Variants in NRG3 observed in about 807,000 individuals in gnomAD.
NRG3 encodes the protein pro-neuregulin-3, membrane-bound isoform.
In NRG3, 31 loss-of-function variants were observed where a neutral mutation model predicts 66.9. The observed-to-expected ratio is 0.46, with a 90% CI of 0.35 to 0.63. NRG3 has a LOEUF of 0.63. Ranked by LOEUF, NRG3 falls within the 20% of genes least tolerant of loss-of-function variation. NRG3 has a pLI of 0.00. For missense variants in NRG3, 910 were observed against 878.9 expected, an observed-to-expected ratio of 1.04 and a Z score of -0.45; for synonymous variants, 393 against 359.4, an observed-to-expected ratio of 1.09 and a Z score of -1.06.
intron 2 of NRG3, among the ~76,000 whole-genome samples, chr10:82,734,588 T>G (rs2058068193): frequency 1.3e-5 from 2 of 152,096 alleles, no homozygotes; most frequent in Admixed American, 6.5e-5. Context: ...ATCTCTCTTA[T>G]TCTGTGTTTT....
intron 2 of NRG3, among the ~76,000 whole-genome samples, chr10:82,718,447 G>A (rs1310386487): frequency 1.3e-5 from 2 of 152,118 alleles, no homozygotes; most frequent in African/African-American, 2.4e-5. Context: ...GACATTAAAA[G>A]TTCTACTATA....
At chr10:82,796,948 A>G (rs1291512059) in intron 3 of NRG3, among the ~76,000 whole-genome samples, 3 of 152,118 alleles carry the variant, frequency 2.0e-5, no homozygotes, top group African/African-American at 7.2e-5. Context: ...GAAAACTACA[A>G]CCTAATATTT....
chr10:82,116,379 C>T (rs1162542281), intron 1 of NRG3, among the ~76,000 whole-genome samples: 2 of 152,078 alleles, frequency 1.3e-5, no homozygotes, highest in Non-Finnish European at 2.9e-5. Context: ...GCCAAGAAAG[C>T]ACTATTTAGC....
intron 1 of NRG3, among the ~76,000 whole-genome samples, chr10:81,931,291 G>C (rs1412560352): frequency 6.6e-6 from 1 of 152,114 alleles, no homozygotes; most frequent in Non-Finnish European, 1.5e-5. Context: ...TTTGATCCAA[G>C]GGATCATGAA....
intron 1 of NRG3, among the ~76,000 whole-genome samples, chr10:82,063,547 A>C (rs1477019522): frequency 6.8e-6 from 1 of 146,952 alleles, no homozygotes; most frequent in Non-Finnish European, 1.5e-5. Flanking sequence ...TTGCTTTCTA[A>C]GGATAGTCAA....
At chr10:82,155,550 ATTACAAAC>A (rs2071125579) in intron 1 of NRG3, among the ~76,000 whole-genome samples, 1 of 151,684 alleles carries the variant, frequency 6.6e-6, no homozygotes, top group Non-Finnish European at 1.5e-5. Context: ...AAAAATGCTA[ATTACAAAC>A]ATATCGTAAT....
chr10:81,944,009 A>G (rs1430495394), intron 1 of NRG3, among the ~76,000 whole-genome samples: 1 of 152,196 alleles, frequency 6.6e-6, no homozygotes, highest in Non-Finnish European at 1.5e-5. Context: ...GTTATGCTCC[A>G]GTACTGAGAG....
intron 4 of NRG3, among the ~76,000 whole-genome samples, chr10:82,928,808 C>T (rs1052778774): frequency 6.6e-6 from 1 of 152,106 alleles, no homozygotes; most frequent in African/African-American, 2.4e-5. Flanking sequence ...ATCTGTGGAG[C>T]CTGATCTTTC....
chr10:82,039,597 G>T (rs2062940963), intron 1 of NRG3, among the ~76,000 whole-genome samples: 1 of 152,036 alleles, frequency 6.6e-6, no homozygotes, highest in Non-Finnish European at 1.5e-5. Context: ...GAGAACCCAA[G>T]GTCTTACAGT....
chr10:82,978,850 T>G, intron 7 of NRG3, 100 bp from the exon 8 acceptor site: 2 of 1,227,662 alleles, frequency 1.6e-6, no homozygotes. Flanking sequence ...GAATTTGGGG[T>G]GCAGATTCAG....
At chr10:82,380,533 T>C (rs549134253) in intron 2 of NRG3, among the ~76,000 whole-genome samples, 14 of 152,166 alleles carry the variant, frequency 9.2e-5, no homozygotes, top group African/African-American at 3.1e-4. Context: ...AAGAAGTCAA[T>C]TGAGATAAAA....
At chr10:82,252,091 A>C (rs2077514219) in intron 1 of NRG3, among the ~76,000 whole-genome samples, 1 of 152,222 alleles carries the variant, frequency 6.6e-6, no homozygotes. Flanking sequence ...CAACCAGCTC[A>C]GGGGCCAAGC....
chr10:82,604,880 T>C (rs2133433944), intron 2 of NRG3, among the ~76,000 whole-genome samples: 1 of 152,254 alleles, frequency 6.6e-6, no homozygotes, highest in East Asian at 1.9e-4. Flanking sequence ...CTATTGTTTA[T>C]TGCTGGTGTA....
At chr10:82,569,859 A>AG (rs1339155627) in intron 2 of NRG3, among the ~76,000 whole-genome samples, 8 of 151,732 alleles carry the variant, frequency 5.3e-5, no homozygotes, top group African/African-American at 1.9e-4. Context: ...CTACTTGGAT[A>AG]TACTAACATG....
intron 1 of NRG3, among the ~76,000 whole-genome samples, chr10:82,013,184 G>A (rs1245230632): frequency 2.0e-5 from 3 of 152,166 alleles, no homozygotes; most frequent in Admixed American, 1.3e-4. Context: ...AAGGCAAGGA[G>A]GAGCAATCAC....
At chr10:82,240,953 T>C (rs1398454884) in intron 1 of NRG3, among the ~76,000 whole-genome samples, 13 of 152,166 alleles carry the variant, frequency 8.5e-5, no homozygotes, top group African/African-American at 3.1e-4. Flanking sequence ...TATAATTTTG[T>C]AACTTTCTTA....
intron 2 of NRG3, among the ~76,000 whole-genome samples, chr10:82,461,541 A>T (rs1386437735): frequency 6.6e-6 from 1 of 152,216 alleles, no homozygotes; most frequent in Non-Finnish European, 1.5e-5. Context: ...AATCCTATAA[A>T]ATACAGCTCA....
intron 1 of NRG3, among the ~76,000 whole-genome samples, chr10:81,908,094 G>A (rs1397135728): frequency 3.3e-5 from 5 of 152,090 alleles, no homozygotes; most frequent in African/African-American, 1.2e-4. Flanking sequence ...GTTTCTTCCC[G>A]ATTGCTTGAT....
intron 2 of NRG3, among the ~76,000 whole-genome samples, chr10:82,456,181 C>A (rs1011311382): frequency 1.6e-5 from 2 of 128,710 alleles, no homozygotes; most frequent in Non-Finnish European, 3.1e-5. Context: ...CTTCACTTTG[C>A]TGCCCAGGAT....
Sources: allele counts gnomAD v4.1 joint callset (sites outside exome capture counted in the v4.1 genomes callset), GRCh38; gene constraint gnomAD v4.1.1; transcripts MANE v1.5; gene names NCBI Gene and HGNC (gene_info 2026-07-23, HGNC 2026-07-21).